Variants in ENOX1 observed in about 807,000 individuals in gnomAD.
The protein encoded by ENOX1 is candidate growth-related and time keeping constitutive hydroquinone (NADH) oxidase.
A neutral mutation model predicts 82.5 loss-of-function variants in ENOX1; 42 were observed. That is an observed-to-expected ratio of 0.51 (90% CI 0.40 to 0.66). ENOX1 has a LOEUF of 0.66. ENOX1 is among the 30% of genes least tolerant of loss of function. ENOX1 has a pLI of 0.00. For synonymous variants in ENOX1, 271 were observed against 282.2 expected (o/e 0.96, Z 0.40); for missense variants, 608 against 811.6 (o/e 0.75, Z 3.05).
intron 11 of ENOX1, among the ~76,000 whole-genome samples, chr13:43,309,213 G>A (rs2047048587): frequency 6.6e-6 from 1 of 151,858 alleles, no homozygotes; most frequent in South Asian, 2.1e-4. Flanking sequence ...GTAGAGACAG[G>A]GTTTCACTAT....
At chr13:43,663,487 C>A (rs1252770918) in intron 2 of ENOX1, among the ~76,000 whole-genome samples, 2 of 152,176 alleles carry the variant, frequency 1.3e-5, no homozygotes, top group Non-Finnish European at 1.5e-5. Context: ...ATACAATCTT[C>A]TCTATAAAGT....
intron 1 of ENOX1, among the ~76,000 whole-genome samples, chr13:43,707,345 A>G (rs1464669756): frequency 6.6e-6 from 1 of 152,176 alleles, no homozygotes; most frequent in African/African-American, 2.4e-5. Flanking sequence ...TGTAGATTCA[A>G]TGCCATCCCA....
At chr13:43,523,745 T>C (rs1195243105) in intron 2 of ENOX1, among the ~76,000 whole-genome samples, 2 of 152,210 alleles carry the variant, frequency 1.3e-5, no homozygotes, top group East Asian at 3.9e-4. Flanking sequence ...GATAATAGAA[T>C]GACCTGCTTG....
intron 7 of ENOX1, among the ~76,000 whole-genome samples, chr13:43,357,425 C>CCCTT (rs1201437001): frequency 6.6e-6 from 1 of 152,128 alleles, no homozygotes; most frequent in African/African-American, 2.4e-5. Flanking sequence ...TGCCTTGGAA[C>CCCTT]CCTTCTCACT....
At chr13:43,354,118 A>G (rs138534653) in intron 8 of ENOX1, among the ~76,000 whole-genome samples, 357 of 143,134 alleles carry the variant, frequency 2.5e-3, no homozygotes, top group African/African-American at 7.5e-3. Flanking sequence ...ATCTGATACC[A>G]CAATACATTG....
chr13:43,715,718 C>G (rs1294162638), intron 1 of ENOX1, among the ~76,000 whole-genome samples: 1 of 152,154 alleles, frequency 6.6e-6, no homozygotes, highest in East Asian at 1.9e-4. Context: ...TCATTCATTT[C>G]GTCTTCCATC....
At chr13:43,227,887 GAC>G (rs2042097782) in intron 15 of ENOX1, among the ~76,000 whole-genome samples, 1 of 151,990 alleles carries the variant, frequency 6.6e-6, no homozygotes, top group African/African-American at 2.4e-5. Flanking sequence ...TGTTGCTAGA[GAC>G]ACAGCCGAAA....
intron 11 of ENOX1, among the ~76,000 whole-genome samples, chr13:43,309,478 G>A (rs533598172): frequency 7.8e-4 from 119 of 152,188 alleles, no homozygotes; most frequent in Non-Finnish European, 1.4e-3. Context: ...GAGCTTGGCA[G>A]TGCTTAGTAA....
intron 3 of ENOX1, among the ~76,000 whole-genome samples, chr13:43,415,234 T>TG (rs1268750984): frequency 2.9e-4 from 35 of 122,268 alleles, no homozygotes; most frequent in Admixed American, 2.9e-3. Flanking sequence ...AATCCAATGT[T>TG]TTTTTTTTTT....
intron 2 of ENOX1, among the ~76,000 whole-genome samples, chr13:43,596,329 T>C (rs1235955638): frequency 6.6e-6 from 1 of 152,194 alleles, no homozygotes; most frequent in Admixed American, 6.5e-5. Context: ...AGGCCTTCCA[T>C]TTTTCACCAC....
intron 5 of ENOX1, among the ~76,000 whole-genome samples, chr13:43,398,901 T>C (rs1351992702): frequency 6.6e-6 from 1 of 151,542 alleles, no homozygotes; most frequent in Non-Finnish European, 1.5e-5. Context: ...GCTCAAGTGA[T>C]TCACCTGCCT....
intron 12 of ENOX1, among the ~76,000 whole-genome samples, chr13:43,281,635 C>T (rs1273858849): frequency 6.6e-6 from 1 of 152,116 alleles, no homozygotes; most frequent in Admixed American, 6.5e-5. Context: ...TGATGTTTAC[C>T]CGTGAAAATT....
chr13:43,723,382 CA>C (rs2088705839), intron 1 of ENOX1, among the ~76,000 whole-genome samples: 1 of 152,132 alleles, frequency 6.6e-6, no homozygotes, highest in East Asian at 1.9e-4. Context: ...ATTCATTTAA[CA>C]TTTCCATTGT....
chr13:43,576,255 A>T (rs929713543), intron 2 of ENOX1, among the ~76,000 whole-genome samples: 6 of 152,052 alleles, frequency 3.9e-5, no homozygotes, highest in African/African-American at 7.2e-5. Flanking sequence ...AGGGGAGGGA[A>T]GCATGCAATC....
rs370131513 is a variant in ENOX1, at chr13:43,598,890, T to C, written c.-219+68589A>G. On this transcript the variant is annotated intron_variant, in intron 2 of 16. Coordinates refer to ENST00000690772, the MANE Select transcript of ENOX1 (RefSeq NM_001347969.2). ...AAGGATCTGCAGAGGAAACATGTTA[T>C]TCTGTCACATACATGGAGGATAACT... Among the ~76,000 whole-genome samples the C allele has an allele frequency of 2.0e-5, 3 of 152,176 alleles. No individual in the cohort carries two copies. In the South Asian group the frequency reaches 6.2e-4, roughly 32 times the overall value.
intron 2 of ENOX1, among the ~76,000 whole-genome samples, chr13:43,653,137 C>T (rs1435146587): frequency 6.6e-6 from 1 of 152,202 alleles, no homozygotes; most frequent in Non-Finnish European, 1.5e-5. Flanking sequence ...CAATATGCTG[C>T]TCTGCTACTG....
At chr13:43,341,458 C>T (rs191834849) in intron 9 of ENOX1, among the ~76,000 whole-genome samples, 144 of 152,122 alleles carry the variant, frequency 9.5e-4, no homozygotes, top group Middle Eastern at 3.4e-3. Context: ...AGGAACAGAA[C>T]GTATAAAGCC....
intron 2 of ENOX1, among the ~76,000 whole-genome samples, chr13:43,647,178 C>T (rs952271343): frequency 6.6e-6 from 1 of 152,182 alleles, no homozygotes; most frequent in Admixed American, 6.5e-5. Flanking sequence ...CTGTCTCATT[C>T]ACTCATTAGC....
rs138629675 is a variant in ENOX1 at position 43,317,121 on chromosome 13, C to T, written c.1261+5263G>A. ...CCTGCCCTTGGGGTCTGCTGGCGCC[C>T]GGAGCTCAGATCCTGGCATGTGGCC... On this transcript the variant is annotated intron_variant, in intron 11 of 16. Coordinates refer to ENST00000690772, the MANE Select transcript of ENOX1 (RefSeq NM_001347969.2). Among the ~76,000 whole-genome samples, 31 of 152,338 alleles carry T rather than the reference C, an allele frequency of 2.0e-4. No individual in the cohort carries two copies. The East Asian group carries it at 5.0e-3, about 25-fold the overall frequency.
Sources: allele counts gnomAD v4.1 joint callset (sites outside exome capture counted in the v4.1 genomes callset), GRCh38; gene constraint gnomAD v4.1.1; transcripts MANE v1.5; gene names NCBI Gene and HGNC (gene_info 2026-07-23, HGNC 2026-07-21).